Variants in CACNA2D3 observed in about 807,000 individuals in gnomAD.
The protein encoded by CACNA2D3 is calcium voltage-gated channel auxiliary subunit alpha2delta 3, also known as voltage-dependent calcium channel subunit alpha-2/delta-3.
CACNA2D3 carries 60 observed loss-of-function variants against 160.6 expected under a neutral mutation model. That is an observed-to-expected ratio of 0.37 (90% CI 0.30 to 0.46). The LOEUF (loss-of-function observed/expected upper bound fraction) is 0.46, where lower values mean the gene tolerates loss of function less well. Ranked by LOEUF, CACNA2D3 falls within the 20% of genes least tolerant of loss-of-function variation. The pLI, the probability that CACNA2D3 is intolerant of heterozygous loss-of-function variation, is 1.00. For synonymous variants in CACNA2D3, 558 were observed against 492.9 expected, an observed-to-expected ratio of 1.13 and a Z score of -1.75; for missense variants, 1,205 against 1,365.0, an observed-to-expected ratio of 0.88 and a Z score of 1.85.
At chr3:55,064,941 G>T (rs1008623492) in intron 35 of CACNA2D3, among the ~76,000 whole-genome samples, 1 of 152,152 alleles carries the variant, frequency 6.6e-6, no homozygotes, top group Admixed American at 6.5e-5. Flanking sequence ...CACTTCCTTC[G>T]TTCCAACAGA....
At chr3:54,891,818 G>A (rs1237344409) in intron 25 of CACNA2D3, among the ~76,000 whole-genome samples, 1 of 152,216 alleles carries the variant, frequency 6.6e-6, no homozygotes. Flanking sequence ...CTGTTCTGCA[G>A]CTATGCTGAG....
chr3:54,768,350 A>T (rs892733679), intron 13 of CACNA2D3, among the ~76,000 whole-genome samples: 1 of 152,240 alleles, frequency 6.6e-6, no homozygotes, highest in African/African-American at 2.4e-5. Flanking sequence ...GACCAGGGAC[A>T]CATAACCTGA....
At chr3:54,242,681 C>G (rs771277418) in intron 2 of CACNA2D3, among the ~76,000 whole-genome samples, 9 of 152,144 alleles carry the variant, frequency 5.9e-5, no homozygotes, top group Non-Finnish European at 1.3e-4. Flanking sequence ...GATTCAGGTC[C>G]TGGGTGGTAT....
At chr3:55,059,422 C>T (rs1239612594) in intron 35 of CACNA2D3, among the ~76,000 whole-genome samples, 1 of 152,210 alleles carries the variant, frequency 6.6e-6, no homozygotes, top group African/African-American at 2.4e-5. Flanking sequence ...TCTGACCCCC[C>T]TCGCAGGAAG....
At chr3:54,562,330 G>A (rs907411340) in intron 5 of CACNA2D3, among the ~76,000 whole-genome samples, 2 of 152,136 alleles carry the variant, frequency 1.3e-5, no homozygotes, top group Non-Finnish European at 2.9e-5. Flanking sequence ...TTTAAGAAAA[G>A]CAAACTTCTA....
At chr3:54,771,947 A>G (rs974319945) in intron 13 of CACNA2D3, among the ~76,000 whole-genome samples, 10 of 152,052 alleles carry the variant, frequency 6.6e-5, no homozygotes, top group Admixed American at 2.6e-4. Context: ...CAAACTGTCA[A>G]GAGAAGGTTT....
At chr3:54,533,011 A>G (rs1439718939) in intron 5 of CACNA2D3, among the ~76,000 whole-genome samples, 1 of 152,156 alleles carries the variant, frequency 6.6e-6, no homozygotes, top group Non-Finnish European at 1.5e-5. Context: ...GTAAGACGGT[A>G]TCACATTGTG....
At chr3:54,550,483 C>T (rs1424002122) in intron 5 of CACNA2D3, among the ~76,000 whole-genome samples, 4 of 152,212 alleles carry the variant, frequency 2.6e-5, no homozygotes, top group South Asian at 2.1e-4. Context: ...CAAATGTGGG[C>T]GGTCAAGGAT....
At chr3:54,626,349 C>G in intron 9 of CACNA2D3, 1 of 1,557,040 alleles carries the variant, frequency 6.4e-7, no homozygotes, top group Admixed American at 1.9e-5. Flanking sequence ...GGCGGCTGAA[C>G]CGGGGCCTGC....
chr3:54,660,658 C>T (rs561423565), intron 11 of CACNA2D3, among the ~76,000 whole-genome samples: 1 of 152,146 alleles, frequency 6.6e-6, no homozygotes, highest in Non-Finnish European at 1.5e-5. Context: ...GCCCTACTTA[C>T]CTTACCTTAA....
intron 13 of CACNA2D3, among the ~76,000 whole-genome samples, chr3:54,802,673 A>G (rs1703020046): frequency 6.6e-6 from 1 of 152,184 alleles, no homozygotes; most frequent in Non-Finnish European, 1.5e-5. Context: ...GCAGACTTAA[A>G]TGTCCCTGTC....
chr3:55,010,025 G>A (rs912459688), intron 34 of CACNA2D3, among the ~76,000 whole-genome samples: 1 of 152,100 alleles, frequency 6.6e-6, no homozygotes, highest in Admixed American at 6.6e-5. Flanking sequence ...AGCACAATGG[G>A]GAAAAATAAT....
At chr3:54,776,625 T>A (rs1702430167) in intron 13 of CACNA2D3, among the ~76,000 whole-genome samples, 1 of 152,206 alleles carries the variant, frequency 6.6e-6, no homozygotes, top group African/African-American at 2.4e-5. Flanking sequence ...CTGAAGGAGT[T>A]GGCATTTCTA....
chr3:54,745,431 G>A (rs1022522300), intron 11 of CACNA2D3, among the ~76,000 whole-genome samples: 1 of 152,204 alleles, frequency 6.6e-6, no homozygotes, highest in African/African-American at 2.4e-5. Flanking sequence ...TTGCAGGCCA[G>A]TTGCTTACTA....
rs371645965 is a variant in CACNA2D3 at position 54,471,062 on chromosome 3, A to G, written c.382-32430A>G. On this transcript the variant is annotated intron_variant, in intron 4 of 37. Coordinates refer to ENST00000474759, the MANE Select transcript of CACNA2D3 (RefSeq NM_018398.3). ...ACTCAGTTCTGGAACAAGCAGACCT[A>G]ATAGACATCTACAGAACTCTCCACC... Among the ~76,000 whole-genome samples, 105 of 152,328 alleles carry G rather than the reference A, an allele frequency of 6.9e-4. 1 individual carries two copies. In the South Asian group the frequency reaches 0.021, roughly 31 times the overall value.
intron 4 of CACNA2D3, among the ~76,000 whole-genome samples, chr3:54,474,717 A>G (rs556896613): frequency 4.6e-5 from 7 of 152,062 alleles, no homozygotes; most frequent in African/African-American, 1.4e-4. Flanking sequence ...GAACAAACAG[A>G]AGAAGGAGGC....
intron 11 of CACNA2D3, among the ~76,000 whole-genome samples, chr3:54,675,443 C>T (rs1423257060): frequency 6.6e-6 from 1 of 152,128 alleles, no homozygotes; most frequent in Non-Finnish European, 1.5e-5. Flanking sequence ...CCTGAAGGGC[C>T]TGACCTTTTC....
chr3:54,480,706 G>A (rs565315077), intron 4 of CACNA2D3, among the ~76,000 whole-genome samples: 32 of 152,052 alleles, frequency 2.1e-4, no homozygotes, highest in Admixed American at 7.9e-4. Flanking sequence ...CCATTTGGGG[G>A]TTCTTTTGGT....
intron 4 of CACNA2D3, among the ~76,000 whole-genome samples, chr3:54,460,608 T>C (rs955676617): frequency 3.3e-5 from 5 of 152,144 alleles, no homozygotes; most frequent in African/African-American, 1.2e-4. Context: ...ATGCTTGTGA[T>C]TTTTGTACAT....
Sources: gnomAD v4.1 joint callset for allele counts (sites outside exome capture counted in the v4.1 genomes callset) on GRCh38, gnomAD v4.1.1 for gene constraint, MANE v1.5 for transcripts, NCBI Gene and HGNC (gene_info 2026-07-23, HGNC 2026-07-21) for gene names.